The following MMS22L variants were observed in gnomAD, a reference collection of about 807,000 sequenced individuals.
The protein encoded by MMS22L is MMS22 like, DNA repair protein, also known as protein MMS22-like.
In MMS22L, 74 loss-of-function variants were observed where a neutral mutation model predicts 159.1. The observed-to-expected ratio is 0.47, with a 90% CI of 0.39 to 0.56. The LOEUF is 0.56. MMS22L is among the 20% of genes least tolerant of loss of function. The pLI is 0.00. For missense variants in MMS22L, 1,351 were observed against 1,422.1 expected (o/e 0.95, Z 0.80); for synonymous variants, 517 against 506.9 (o/e 1.02, Z -0.27).
intron 11 of MMS22L, 64 bp downstream of exon 11, chr6:97,246,564 A>T: frequency 7.3e-7 from 1 of 1,372,404 alleles, no homozygotes; most frequent in Non-Finnish European, 1.0e-6. Context: ...CTTGGTTTTA[A>T]AAATAAAATT....
At chr6:97,262,608 T>C (rs1438440714) in intron 9 of MMS22L, among the ~76,000 whole-genome samples, 1 of 132,712 alleles carries the variant, frequency 7.5e-6, no homozygotes, top group African/African-American at 2.9e-5. Flanking sequence ...CATGCCAAGG[T>C]GGAGGCTGCA....
In MMS22L at chr6:97,255,054, G is replaced by GT. The variant is rs200145548; in HGVS notation, c.943-322dup. On this transcript the variant is annotated intron_variant, in intron 9 of 24. Coordinates refer to ENST00000683635, the MANE Select transcript of MMS22L (RefSeq NM_001350599.2). ...TATTGTGTGGCTTCATCTGTATTTT[G>GT]TTTTTTTTAAATGCATGTCTGTATT... 5.5e-3 allele frequency among the ~76,000 whole-genome samples: 837 copies of GT among 151,326 alleles called. 7 individuals carry two copies. The highest frequency in any genetic ancestry group is 0.019 in the African/African-American group (782 of 41,264).
At chr6:97,243,513 TGG>T (rs1217388323) in intron 11 of MMS22L, among the ~76,000 whole-genome samples, 10 of 152,200 alleles carry the variant, frequency 6.6e-5, no homozygotes, top group African/African-American at 2.4e-4. Context: ...TTCTTTAATC[TGG>T]TTTTCACATT....
chr6:97,225,469 G>A lies in MMS22L; in HGVS notation c.2039+3425C>T, dbSNP rs565098041. Among the ~76,000 whole-genome samples, 108 of 151,528 alleles carry A rather than the reference G, an allele frequency of 7.1e-4. 1 individual carries two copies. The highest frequency in any genetic ancestry group is 2.6e-3 in the African/African-American group (106 of 41,276). ...GGGTTCAAGCAATTGTCCTACCTCA[G>A]CCTCCTGAGTATCTGGGATTACAGG... On this transcript the variant is annotated intron_variant, in intron 14 of 24. Transcript: ENST00000683635.
In MMS22L at chr6:97,233,777, TTCATAATTAAA is replaced by T. The variant is rs576859168; in HGVS notation, c.1302+73_1302+83del. On this transcript the variant is annotated intron_variant, in intron 12 of 24. Coordinates refer to ENST00000683635, the MANE Select transcript of MMS22L (RefSeq NM_001350599.2). The stretch of plus-strand genomic sequence containing the variant: ...ACTTTTTAAGAAAAATCCATAACTA[TTCATAATTAAA>T]CCATAAAGACATTCCTCAAATATGT... The T allele has an allele frequency of 7.7e-5, 109 of 1,412,026 alleles. No homozygotes were observed. In the African/African-American group the frequency reaches 1.5e-3, roughly 20 times the overall value. The allele number at this position is 1,412,026 out of a possible 1,614,324, so 87.5% of individuals were successfully genotyped here.
intron 14 of MMS22L, among the ~76,000 whole-genome samples, chr6:97,199,907 T>C (rs1582583054): frequency 6.6e-6 from 1 of 152,210 alleles, no homozygotes; most frequent in Non-Finnish European, 1.5e-5. Flanking sequence ...TGTGTAAAGT[T>C]TTGTGTATAC....
At chr6:97,149,761 T>C in intron 24 of MMS22L, 92 bp downstream of exon 24, 1 of 1,292,784 alleles carries the variant, frequency 7.7e-7, no homozygotes, top group Non-Finnish European at 1.0e-6. Flanking sequence ...TACCCAAATT[T>C]TGGGGAATAA....
At chr6:97,255,887 T>A (rs1813748276) in intron 9 of MMS22L, among the ~76,000 whole-genome samples, 1 of 152,140 alleles carries the variant, frequency 6.6e-6, no homozygotes, top group African/African-American at 2.4e-5. Context: ...AACAACTTAA[T>A]GCTTTTTTGT....
chr6:97,178,734 C>A, intron 17 of MMS22L, 149 bp from the exon 18 acceptor site: 1 of 414,634 alleles, frequency 2.4e-6, no homozygotes, highest in Non-Finnish European at 4.1e-6. Flanking sequence ...CAAATTTCCA[C>A]ACAAGGACTT....
chr6:97,149,945 G>C lies in MMS22L; in HGVS notation c.3558C>G (p.Asp1186Glu), dbSNP rs761335698. The C allele has an allele frequency of 1.2e-6, 2 of 1,613,518 alleles. No homozygotes were observed. The highest frequency in any genetic ancestry group is 1.7e-6 in the Non-Finnish European group (2 of 1,179,710). Residue 1186 changes from aspartate to glutamate, a missense_variant, in exon 24 of 25, where the codon GAC becomes GAG. Coordinates refer to ENST00000683635, the MANE Select transcript of MMS22L (RefSeq NM_001350599.2). ...AAATCAAGTGGATGACAACCTGCTG[G>C]TCCAATGTTGCTACTGTTTCTAAAA... ...YSILETVATL[D>E]QQVVIHLIST... is the part of the protein sequence containing the mutation.
At chr6:97,182,122 T>C in intron 15 of MMS22L, 68 bp from the exon 16 acceptor site, 1 of 1,239,802 alleles carries the variant, frequency 8.1e-7, no homozygotes, top group Non-Finnish European at 1.1e-6. Context: ...CACACACCCC[T>C]GGCCAATTAT....
chr6:97,243,889 G>GC (rs771439527), intron 11 of MMS22L, among the ~76,000 whole-genome samples: 4 of 152,082 alleles, frequency 2.6e-5, no homozygotes, highest in Admixed American at 6.5e-5. Context: ...GGGGTGGGGG[G>GC]TGTCTGCAAA....
intron 14 of MMS22L, among the ~76,000 whole-genome samples, chr6:97,221,346 C>A (rs898364716): frequency 1.3e-5 from 2 of 151,988 alleles, no homozygotes; most frequent in Non-Finnish European, 2.9e-5. Flanking sequence ...AATACTAATT[C>A]CTATGCGTGA....
At chr6:97,208,106 C>T (rs1037502078) in intron 14 of MMS22L, among the ~76,000 whole-genome samples, 5 of 152,184 alleles carry the variant, frequency 3.3e-5, no homozygotes, top group Admixed American at 1.3e-4. Flanking sequence ...TGCCTGACTA[C>T]ATACAGGACC....
intron 20 of MMS22L, among the ~76,000 whole-genome samples, chr6:97,166,130 G>C (rs1223793538): frequency 6.6e-6 from 1 of 152,028 alleles, no homozygotes; most frequent in African/African-American, 2.4e-5. Context: ...CTTGATATCT[G>C]GTTGCATGTC....
At chr6:97,184,417 G>A (rs1805017302) in intron 15 of MMS22L, among the ~76,000 whole-genome samples, 1 of 151,812 alleles carries the variant, frequency 6.6e-6, no homozygotes, top group Admixed American at 6.6e-5. Flanking sequence ...CAAATCTCTA[G>A]CTTGGACCTC....
chr6:97,226,728 G>A (rs541718359), intron 14 of MMS22L, among the ~76,000 whole-genome samples: 3 of 152,128 alleles, frequency 2.0e-5, no homozygotes, highest in African/African-American at 7.2e-5. Context: ...TAGGTAGGAA[G>A]GAGATATCTG....
chr6:97,245,932 C>CAAA (rs1812593413), intron 11 of MMS22L: 1 of 248,322 alleles, frequency 4.0e-6, no homozygotes, highest in African/African-American at 2.3e-5. Context: ...TATTCCTCTT[C>CAAA]AAGTTTTAAA....
chr6:97,170,445 C>T (rs1803416350), intron 19 of MMS22L, among the ~76,000 whole-genome samples: 1 of 135,496 alleles, frequency 7.4e-6, no homozygotes, highest in Non-Finnish European at 1.6e-5. Flanking sequence ...ACATACAGTA[C>T]CTTTGTAAAA....
Sources: allele counts gnomAD v4.1 joint callset (sites outside exome capture counted in the v4.1 genomes callset), GRCh38; gene constraint gnomAD v4.1.1; transcripts MANE v1.5; gene names NCBI Gene and HGNC (gene_info 2026-07-23, HGNC 2026-07-21).